ALG12: variants seen among roughly 807,000 people sequenced by gnomAD.
The protein encoded by ALG12 is dol-P-Man:Man(7)GlcNAc(2)-PP-Dol alpha-1,6-mannosyltransferase.
A neutral mutation model predicts 46.0 loss-of-function variants in ALG12; 36 were observed. That is an observed-to-expected ratio of 0.78 (90% CI 0.60 to 1.03). ALG12 has a LOEUF of 1.03. Ranked by LOEUF, ALG12 falls within the 50% of genes least tolerant of loss-of-function variation. The pLI, the probability that ALG12 is intolerant of heterozygous loss-of-function variation, is 0.00. For synonymous variants in ALG12, 326 were observed against 291.6 expected (o/e 1.12, Z -1.20); for missense variants, 599 against 633.5 (o/e 0.95, Z 0.58).
the ALG12 span, chr22:49,884,143 G>A: frequency 2.5e-6 from 4 of 1,613,806 alleles, no homozygotes; most frequent in African/African-American, 1.3e-5. Context: ...CATGAGGCAC[G>A]TGAGGCGCGC....
intron 1 of ALG12, among the ~76,000 whole-genome samples, chr22:49,915,773 G>A (rs2146617963): frequency 6.6e-6 from 1 of 152,290 alleles, no homozygotes; most frequent in East Asian, 1.9e-4. Flanking sequence ...ACAGAGGCCA[G>A]CCGCTGTGGC....
the ALG12 span, chr22:49,883,707 C>A: frequency 6.2e-7 from 1 of 1,604,150 alleles, no homozygotes; most frequent in Non-Finnish European, 8.5e-7. Flanking sequence ...ACGGTGATTT[C>A]GTTTCTGATA....
the ALG12 span, among the ~76,000 whole-genome samples, chr22:49,862,758 G>A: frequency 7.8e-6 from 1 of 128,954 alleles, no homozygotes; most frequent in African/African-American, 2.9e-5. Flanking sequence ...CTGGAGTGCA[G>A]TGTCGTGATC....
At chr22:49,913,255 G>A in intron 3 of ALG12, 130 bp downstream of exon 3, 2 of 1,439,314 alleles carry the variant, frequency 1.4e-6, no homozygotes, top group Non-Finnish European at 1.9e-6. Context: ...GAGCCGCCAT[G>A]CCACGGTGAT....
chr22:49,886,737 C>T, the ALG12 span: 16 of 1,613,072 alleles, frequency 9.9e-6, no homozygotes, highest in Admixed American at 5.0e-5. This position sits in a 1 kb window ranked among gnomAD's most constrained non-coding sequence, Gnocchi z 7.7. Context: ...CGGAGCAGTA[C>T]AAACAGGATT....
At chr22:49,885,556 G>C in the ALG12 span, 1 of 1,604,532 alleles carries the variant, frequency 6.2e-7, no homozygotes, top group African/African-American at 1.3e-5. Context: ...GGTGCCGCGG[G>C]GCACAGAATT....
At chr22:49,886,799 C>T in the ALG12 span, 1 of 1,612,992 alleles carries the variant, frequency 6.2e-7, no homozygotes, top group Non-Finnish European at 8.5e-7. This position sits in a 1 kb window ranked among gnomAD's most constrained non-coding sequence, Gnocchi z 7.7. Flanking sequence ...GTGGCTGCCT[C>T]CCACAGGTGT....
At chr22:49,915,450 G>A (rs1036954427) in intron 1 of ALG12, among the ~76,000 whole-genome samples, 5 of 152,098 alleles carry the variant, frequency 3.3e-5, no homozygotes, top group Admixed American at 2.0e-4. Context: ...CCAGCTACTC[G>A]GGAGGCTAAG....
the ALG12 span, among the ~76,000 whole-genome samples, chr22:49,882,210 T>C: frequency 3.9e-5 from 6 of 152,226 alleles, no homozygotes; most frequent in African/African-American, 1.4e-4. Context: ...ACTCCCTGTG[T>C]CCCTTGAAGA....
the ALG12 span, among the ~76,000 whole-genome samples, chr22:49,871,522 C>T: frequency 7.9e-5 from 12 of 152,174 alleles, no homozygotes; most frequent in East Asian, 2.3e-3. Context: ...ATAATGTAGT[C>T]TGGTAAGCGT....
At position 49,904,327 on chromosome 22, in the gene ALG12, C is replaced by T. The variant is rs1209341243; in HGVS notation, c.1162+10G>A. ...CACAGCAGTCCCCAGGCAGTGCCCC[C>T]AGCACCCACCTGTCTGGGGGGGCAC... On this transcript the variant is annotated intron_variant, in intron 8 of 9. Transcript: ENST00000330817. The T allele has an allele frequency of 6.2e-7, 1 of 1,614,174 alleles. No individual in the cohort carries two copies. The highest frequency in any genetic ancestry group is 8.5e-7 in the Non-Finnish European group (1 of 1,180,026).
rs2060504948 is a variant in ALG12 at position 49,901,494 on chromosome 22, TTG to T, written c.*2342_*2343del. The T allele has an allele frequency of 7.0e-6, 1 of 142,960 alleles. No homozygotes were observed. Among genetic ancestry groups the T allele is most frequent in the Middle Eastern group, 4.1e-3 (1 of 244 alleles). 8.9% of individuals were successfully genotyped at this position (142,960 alleles called of 1,614,324 possible). A position where few individuals can be genotyped will look rare whatever the true frequency, so the allele number is the denominator to read the frequency against. On this transcript the variant is annotated 3_prime_UTR_variant, in exon 10 of 10. Transcript: ENST00000330817. ...TATGCATGGTGTGTGCACGTGTGCA[TTG>T]TGTGCATGATTGCATTGTGTGGTGT...
chr22:49,860,413 G>T, the ALG12 span, among the ~76,000 whole-genome samples: 3 of 152,088 alleles, frequency 2.0e-5, no homozygotes, highest in African/African-American at 7.2e-5. Context: ...GCCTTGTTTT[G>T]TGCTAAAATG....
intron 4 of ALG12, 118 bp from the exon 5 acceptor site, chr22:49,910,206 G>C: frequency 7.7e-7 from 1 of 1,292,308 alleles, no homozygotes; most frequent in Non-Finnish European, 1.1e-6. Context: ...AAATATCCCA[G>C]AAAAGAAACT....
the ALG12 span, among the ~76,000 whole-genome samples, chr22:49,862,945 A>G: frequency 6.6e-6 from 1 of 151,836 alleles, no homozygotes; most frequent in Non-Finnish European, 1.5e-5. Context: ...TAGGTGATCC[A>G]CCTGCCTCAG....
chr22:49,864,839 A>AAG, the ALG12 span, among the ~76,000 whole-genome samples: 296 of 133,140 alleles, frequency 2.2e-3, 11 homozygotes, highest in African/African-American at 0.01. Flanking sequence ...AAAAAAAAAA[A>AAG]GCCCTGATTA....
At chr22:49,891,899 TCTGA>T in the ALG12 span, among the ~76,000 whole-genome samples, 5 of 152,328 alleles carry the variant, frequency 3.3e-5, no homozygotes, top group South Asian at 2.1e-4. Context: ...CTCTTCCACT[TCTGA>T]CTATGAGGCA....
chr22:49,897,295 C>T (rs566141522), downstream of ALG12, among the ~76,000 whole-genome samples: 31 of 152,278 alleles, frequency 2.0e-4, no homozygotes, highest in Middle Eastern at 3.4e-3. Flanking sequence ...TATCCTTGTA[C>T]GAGCTTTTGT....
Position 49,902,988 on chromosome 22 carries a change from T to G in ALG12, c.*850A>C, listed in dbSNP as rs1261952577. ...CGTGTGCACTGTGTGCATGCGTGTG[T>G]GGTGTGTGTGCATGTATGCATGGTG... On this transcript the variant is annotated 3_prime_UTR_variant, in exon 10 of 10. Transcript: ENST00000330817. The G allele has an allele frequency of 1.5e-5, 5 of 331,192 alleles. No individual in the cohort carries two copies. Among genetic ancestry groups the G allele is most frequent in the Non-Finnish European group, 2.9e-5 (5 of 171,492 alleles). The allele number at this position is 331,192 out of a possible 1,614,324, so 20.5% of individuals were successfully genotyped here.
Sources: gnomAD v4.1 joint callset for allele counts (sites outside exome capture counted in the v4.1 genomes callset) on GRCh38, gnomAD v4.1.1 for gene constraint, Gnocchi (gnomAD v3.1) non-coding constraint, MANE v1.5 for transcripts, NCBI Gene and HGNC (gene_info 2026-07-23, HGNC 2026-07-21) for gene names.